The following PABPC4L variants were observed in gnomAD, a reference collection of about 807,000 sequenced individuals.
PABPC4L encodes polyadenylate-binding protein 4-like.
For missense variants in PABPC4L, 452 were observed against 451.4 expected (o/e 1.00, Z -0.01); for synonymous variants, 169 against 164.1 (o/e 1.03, Z -0.23).
chr4:134,027,777 A>G, the PABPC4L span, among the ~76,000 whole-genome samples: 3 of 152,144 alleles, frequency 2.0e-5, no homozygotes, highest in African/African-American at 7.2e-5. Context: ...AGTTTATACA[A>G]TTACAAATTG....
chr4:133,988,597 C>A, the PABPC4L span, among the ~76,000 whole-genome samples: 1 of 152,208 alleles, frequency 6.6e-6, no homozygotes, highest in Admixed American at 6.5e-5. Flanking sequence ...TGTGGCTCTG[C>A]AGGATACAGC....
At chr4:133,964,096 G>A in the PABPC4L span, among the ~76,000 whole-genome samples, 4 of 152,044 alleles carry the variant, frequency 2.6e-5, no homozygotes, top group Non-Finnish European at 4.4e-5. Context: ...CAAGAAAGAA[G>A]AGAGAAAATC....
chr4:134,027,559 C>T, the PABPC4L span, among the ~76,000 whole-genome samples: 65 of 152,210 alleles, frequency 4.3e-4, 1 homozygote, highest in South Asian at 3.1e-3. Flanking sequence ...GAAATCTCTT[C>T]GACAAACTGA....
the PABPC4L span, among the ~76,000 whole-genome samples, chr4:133,988,692 C>A: frequency 6.6e-6 from 1 of 152,134 alleles, no homozygotes; most frequent in Non-Finnish European, 1.5e-5. Flanking sequence ...GTGGATCTAC[C>A]ATTCTGGGGT....
chr4:133,962,082 GA>G, the PABPC4L span, among the ~76,000 whole-genome samples: 2 of 152,198 alleles, frequency 1.3e-5, no homozygotes, highest in African/African-American at 4.8e-5. Context: ...GGAAAAGGGA[GA>G]GAGTTCTACA....
the PABPC4L span, among the ~76,000 whole-genome samples, chr4:134,040,081 G>A: frequency 1.3e-5 from 2 of 151,722 alleles, no homozygotes; most frequent in Non-Finnish European, 2.9e-5. Flanking sequence ...AAAAACAAAT[G>A]GAAAAACATG....
At chr4:134,129,273 A>G in the PABPC4L span, among the ~76,000 whole-genome samples, 49 of 152,274 alleles carry the variant, frequency 3.2e-4, no homozygotes, top group East Asian at 8.5e-3. Flanking sequence ...TCATCAAGAC[A>G]GAAAGTCAAC....
chr4:134,081,769 A>C, the PABPC4L span, among the ~76,000 whole-genome samples: 1 of 152,168 alleles, frequency 6.6e-6, no homozygotes, highest in East Asian at 1.9e-4. Flanking sequence ...AAAAACACAA[A>C]TAAACTTAGA....
chr4:134,113,003 T>C, the PABPC4L span, among the ~76,000 whole-genome samples: 1 of 149,564 alleles, frequency 6.7e-6, no homozygotes, highest in East Asian at 2.0e-4. Flanking sequence ...TGTGTTTTAG[T>C]TTTTAACAAA....
the PABPC4L span, among the ~76,000 whole-genome samples, chr4:134,155,104 T>A: frequency 6.6e-6 from 1 of 152,108 alleles, no homozygotes; most frequent in Non-Finnish European, 1.5e-5. Context: ...AGAGGTGACA[T>A]GATTTTCCAA....
the PABPC4L span, among the ~76,000 whole-genome samples, chr4:134,176,972 A>T: frequency 6.6e-6 from 1 of 152,102 alleles, no homozygotes; most frequent in South Asian, 2.1e-4. Context: ...ACTGGTGGCC[A>T]CAACCCCAAT....
chr4:134,176,370 GC>G, the PABPC4L span, among the ~76,000 whole-genome samples: 1 of 152,054 alleles, frequency 6.6e-6, no homozygotes, highest in Admixed American at 6.6e-5. Flanking sequence ...TAAATGTAGG[GC>G]CAGGTGTGGT....
At chr4:134,028,438 C>CT in the PABPC4L span, among the ~76,000 whole-genome samples, 1,949 of 145,690 alleles carry the variant, frequency 0.013, 21 homozygotes, top group African/African-American at 0.021. Flanking sequence ...ATTTCTTTTC[C>CT]TTTTTTTTTT....
the PABPC4L span, among the ~76,000 whole-genome samples, chr4:134,052,174 C>T: frequency 6.6e-6 from 1 of 151,950 alleles, no homozygotes; most frequent in Non-Finnish European, 1.5e-5. Flanking sequence ...GGATACATCA[C>T]CTCCCTAGGT....
chr4:134,172,885 C>T, the PABPC4L span, among the ~76,000 whole-genome samples: 2 of 151,618 alleles, frequency 1.3e-5, no homozygotes, highest in South Asian at 4.2e-4. Context: ...AATTATAGTA[C>T]AAAAATGGAT....
chr4:134,026,134 G>C, the PABPC4L span, among the ~76,000 whole-genome samples: 5 of 152,074 alleles, frequency 3.3e-5, no homozygotes, highest in Non-Finnish European at 2.9e-5. Context: ...ATTGGCACTT[G>C]TAAATGATCA....
the PABPC4L span, among the ~76,000 whole-genome samples, chr4:134,095,124 T>C: frequency 0.72 from 109,744 of 151,530 alleles, 40,400 homozygotes; most frequent in East Asian, 0.96. Flanking sequence ...AAATTTTTTT[T>C]AATAAACATG....
the PABPC4L span, among the ~76,000 whole-genome samples, chr4:134,125,098 T>TACA: frequency 6.6e-6 from 1 of 152,054 alleles, no homozygotes; most frequent in Admixed American, 6.6e-5. Context: ...GAGCAAGAAA[T>TACA]AGAGTTTTGA....
At chr4:134,154,422 C>A in the PABPC4L span, among the ~76,000 whole-genome samples, 2 of 151,968 alleles carry the variant, frequency 1.3e-5, no homozygotes. Flanking sequence ...TGCCACTGAC[C>A]TCCAGCCTGG....
Sources: gnomAD v4.1 joint callset for allele counts (sites outside exome capture counted in the v4.1 genomes callset) on GRCh38, gnomAD v4.1.1 for gene constraint, MANE v1.5 for transcripts, NCBI Gene and HGNC (gene_info 2026-07-23, HGNC 2026-07-21) for gene names.